The following SLC24A3 variants were observed in gnomAD, a reference collection of about 807,000 sequenced individuals.
SLC24A3 encodes the protein sodium/potassium/calcium exchanger 3.
In SLC24A3, 28 loss-of-function variants were observed where a neutral mutation model predicts 75.8. That is an observed-to-expected ratio of 0.37 (90% CI 0.27 to 0.51). The LOEUF (loss-of-function observed/expected upper bound fraction) is 0.51, where lower values mean the gene tolerates loss of function less well. Among genes scored for constraint, SLC24A3 ranks in the 20% least tolerant of loss-of-function variants. The probability of loss-of-function intolerance (pLI) is 0.94; values close to 1 mark genes in which losing one functional copy is unlikely to be tolerated. For missense variants in SLC24A3, 663 were observed against 847.8 expected (o/e 0.78, Z 2.71); for synonymous variants, 372 against 334.1 (o/e 1.11, Z -1.24).
At chr20:19,559,323 G>C (rs545385166) in intron 3 of SLC24A3, among the ~76,000 whole-genome samples, 1 of 152,008 alleles carries the variant, frequency 6.6e-6, no homozygotes, top group African/African-American at 2.4e-5. Context: ...TTTTGTTTTT[G>C]TGTTGTACGT....
chr20:19,442,751 T>A (rs1200662606), intron 2 of SLC24A3, among the ~76,000 whole-genome samples: 1 of 152,208 alleles, frequency 6.6e-6, no homozygotes, highest in Non-Finnish European at 1.5e-5. Flanking sequence ...GTATGTTGCA[T>A]CTGAAAAATC....
intron 6 of SLC24A3, among the ~76,000 whole-genome samples, chr20:19,604,477 G>A (rs1445063439): frequency 1.3e-5 from 2 of 152,194 alleles, no homozygotes; most frequent in Non-Finnish European, 2.9e-5. Context: ...GAAGCCAAGG[G>A]CTAGGCAGGG....
At chr20:19,467,725 A>C (rs1987791864) in intron 2 of SLC24A3, among the ~76,000 whole-genome samples, 1 of 152,156 alleles carries the variant, frequency 6.6e-6, no homozygotes, top group African/African-American at 2.4e-5. Flanking sequence ...CACTAAAAAT[A>C]CAAAAATTAG....
intron 1 of SLC24A3, among the ~76,000 whole-genome samples, chr20:19,252,648 G>GGT (rs375036051): frequency 6.7e-5 from 10 of 149,202 alleles, no homozygotes; most frequent in Admixed American, 5.4e-4. Context: ...AATGGCGGGG[G>GGT]GGGGTGCCTG....
intron 3 of SLC24A3, among the ~76,000 whole-genome samples, chr20:19,545,808 G>A (rs973998603): frequency 3.3e-5 from 5 of 152,078 alleles, no homozygotes; most frequent in East Asian, 3.9e-4. Context: ...GGATTGATTC[G>A]AATAGTGCTT....
At chr20:19,355,711 A>G (rs757955242) in intron 2 of SLC24A3, among the ~76,000 whole-genome samples, 6 of 152,212 alleles carry the variant, frequency 3.9e-5, no homozygotes, top group Non-Finnish European at 7.3e-5. Flanking sequence ...GAAGGAATGT[A>G]TATGCTTCTT....
chr20:19,558,491 G>A (rs1298772943), intron 3 of SLC24A3, among the ~76,000 whole-genome samples: 3 of 152,052 alleles, frequency 2.0e-5, no homozygotes, highest in Admixed American at 1.3e-4. Flanking sequence ...TTCCCACCAA[G>A]CTGTTTGTCT....
chr20:19,554,523 C>G (rs551175230), intron 3 of SLC24A3, among the ~76,000 whole-genome samples: 1 of 152,264 alleles, frequency 6.6e-6, no homozygotes, highest in South Asian at 2.1e-4. Flanking sequence ...TTGAGCATTA[C>G]ATAATTTCAG....
chr20:19,230,625 TGG>T (rs1457018906), intron 1 of SLC24A3, among the ~76,000 whole-genome samples: 1 of 92,162 alleles, frequency 1.1e-5, no homozygotes, highest in Non-Finnish European at 2.4e-5. Flanking sequence ...GACATATTGA[TGG>T]GGGGGAATGG....
At chr20:19,230,749 C>T (rs1056352447) in intron 1 of SLC24A3, among the ~76,000 whole-genome samples, 1 of 152,122 alleles carries the variant, frequency 6.6e-6, no homozygotes, top group Admixed American at 6.5e-5. Context: ...CCCATGTGCC[C>T]TTCCACAGTC....
At chr20:19,691,747 T>A (rs1475981889) in intron 12 of SLC24A3, among the ~76,000 whole-genome samples, 1 of 152,188 alleles carries the variant, frequency 6.6e-6, no homozygotes, top group Non-Finnish European at 1.5e-5. Flanking sequence ...CCCAGGATTT[T>A]GACAGGAACG....
At chr20:19,224,540 T>C (rs1981825001) in intron 1 of SLC24A3, among the ~76,000 whole-genome samples, 1 of 152,204 alleles carries the variant, frequency 6.6e-6, no homozygotes, top group African/African-American at 2.4e-5. Context: ...ACAATTTCTT[T>C]GATAATGATT....
At chr20:19,402,241 A>G (rs1986565089) in intron 2 of SLC24A3, among the ~76,000 whole-genome samples, 1 of 152,196 alleles carries the variant, frequency 6.6e-6, no homozygotes, top group Admixed American at 6.5e-5. Flanking sequence ...GATGATCTCA[A>G]TAGGAATAAG....
At chr20:19,482,577 G>A (rs1454275161) in intron 2 of SLC24A3, among the ~76,000 whole-genome samples, 1 of 152,216 alleles carries the variant, frequency 6.6e-6, no homozygotes, top group Admixed American at 6.5e-5. Flanking sequence ...TGTGTCCCCA[G>A]TGTCCAGCCA....
rs1394509826 is a variant in SLC24A3 at position 19,368,267 on chromosome 20, A to G, written c.271+87180A>G. ...ACAGGACAGTAATTGGAAATGAGTAACACTGGCACTTTAAGACGGGCAAAG... is the reference window on the plus strand; with the variant it reads ...ACAGGACAGTAATTGGAAATGAGTAGCACTGGCACTTTAAGACGGGCAAAG... On this transcript the variant is annotated intron_variant, in intron 2 of 16. Transcript: ENST00000328041. Among the ~76,000 whole-genome samples, 4 of 152,206 alleles carry G rather than the reference A, an allele frequency of 2.6e-5. 1 individual carries two copies. Among genetic ancestry groups the G allele is most frequent in the African/African-American group, 9.7e-5 (4 of 41,448 alleles).
chr20:19,574,595 C>A (rs954248050), intron 3 of SLC24A3, among the ~76,000 whole-genome samples: 1 of 152,188 alleles, frequency 6.6e-6, no homozygotes, highest in African/African-American at 2.4e-5. Context: ...CCTGTCTGTA[C>A]CCTGCATGTC....
chr20:19,329,109 A>G (rs1391763035), intron 2 of SLC24A3, among the ~76,000 whole-genome samples: 4 of 152,180 alleles, frequency 2.6e-5, no homozygotes, highest in Admixed American at 2.6e-4. Flanking sequence ...TCTGATTGTA[A>G]TGGGTCCAAA....
chr20:19,713,996 C>G (rs891275409), intron 15 of SLC24A3, among the ~76,000 whole-genome samples: 4 of 152,194 alleles, frequency 2.6e-5, no homozygotes, highest in African/African-American at 9.7e-5. Flanking sequence ...ATTTTAAGCC[C>G]TGTGGATCAT....
intron 2 of SLC24A3, among the ~76,000 whole-genome samples, chr20:19,303,818 C>G (rs1263246964): frequency 2.0e-5 from 3 of 152,208 alleles, no homozygotes; most frequent in Non-Finnish European, 4.4e-5. Flanking sequence ...GTCTTGCCTT[C>G]CTATCTCCCA....
Sources: gnomAD v4.1 joint callset for allele counts (sites outside exome capture counted in the v4.1 genomes callset) on GRCh38, gnomAD v4.1.1 for gene constraint, MANE v1.5 for transcripts, NCBI Gene and HGNC (gene_info 2026-07-23, HGNC 2026-07-21) for gene names.